Variants in EIPR1 observed in about 807,000 individuals in gnomAD.
EIPR1 encodes the protein EARP complex and GARP complex interacting protein 1.
Under a neutral mutation model 48.1 loss-of-function variants are expected in EIPR1, and 25 were observed. The ratio of observed to expected loss-of-function variants is 0.52; its 90% CI spans 0.38 to 0.73. The LOEUF (loss-of-function observed/expected upper bound fraction) is 0.73, where lower values mean the gene tolerates loss of function less well. Ranked by LOEUF, EIPR1 falls within the 30% of genes least tolerant of loss-of-function variation. The pLI is 0.00. For synonymous variants in EIPR1, 204 were observed against 201.9 expected, an observed-to-expected ratio of 1.01 and a Z score of -0.09; for missense variants, 415 against 506.2, an observed-to-expected ratio of 0.82 and a Z score of 1.73.
intron 4 of EIPR1, among the ~76,000 whole-genome samples, chr2:3,241,184 C>G (rs1666613547): frequency 6.6e-6 from 1 of 152,224 alleles, no homozygotes. Flanking sequence ...GCGAGCAGGT[C>G]CCTCCTAAAG....
At chr2:3,256,323 C>A (rs1045431548) in intron 4 of EIPR1, among the ~76,000 whole-genome samples, 1 of 152,120 alleles carries the variant, frequency 6.6e-6, no homozygotes, top group Non-Finnish European at 1.5e-5. Context: ...CCTTCCGGGG[C>A]CACAGCGTAC....
intron 1 of EIPR1, among the ~76,000 whole-genome samples, chr2:3,375,404 A>G (rs1206533075): frequency 6.6e-6 from 1 of 151,878 alleles, no homozygotes; most frequent in African/African-American, 2.4e-5. Context: ...AAAAAGAGAG[A>G]AAAAAAAGAA....
intron 2 of EIPR1, among the ~76,000 whole-genome samples, chr2:3,340,257 G>A (rs1670194642): frequency 6.6e-6 from 1 of 152,244 alleles, no homozygotes; most frequent in African/African-American, 2.4e-5. Flanking sequence ...AGTGCCCAGA[G>A]CCATGTGAGC....
intron 3 of EIPR1, among the ~76,000 whole-genome samples, chr2:3,326,724 C>A (rs1030781880): frequency 3.9e-5 from 6 of 152,212 alleles, no homozygotes; most frequent in African/African-American, 1.4e-4. Context: ...AATTTAGCTG[C>A]TCAGTTGTCA....
intron 4 of EIPR1, among the ~76,000 whole-genome samples, chr2:3,218,250 T>C (rs1454731050): frequency 6.7e-6 from 1 of 148,954 alleles, no homozygotes; most frequent in East Asian, 2.0e-4. Flanking sequence ...TGATATGCTC[T>C]AGAGCGTTCA....
In EIPR1 at chr2:3,198,345, A is replaced by G. The variant is rs143500242; in HGVS notation, c.517-1328T>C. Reference sequence around the variant, plus strand: ...GGCTGTGCGAGAGACTGAGAACTCAAAACAGTCCTGGTCAGAAGCCGAGAA... The same window carrying G: ...GGCTGTGCGAGAGACTGAGAACTCAGAACAGTCCTGGTCAGAAGCCGAGAA... On this transcript the variant is annotated intron_variant, in intron 5 of 8. Coordinates refer to ENST00000382125, the MANE Select transcript of EIPR1 (RefSeq NM_003310.5). Among the ~76,000 whole-genome samples the G allele has an allele frequency of 2.4e-3, 362 of 152,330 alleles. 1 individual carries two copies. Among genetic ancestry groups the G allele is most frequent in the African/African-American group, 8.3e-3 (347 of 41,580 alleles).
chr2:3,240,108 C>T (rs1378220502), intron 4 of EIPR1, among the ~76,000 whole-genome samples: 3 of 147,666 alleles, frequency 2.0e-5, no homozygotes, highest in East Asian at 2.0e-4. Context: ...GCCAGCAGAC[C>T]CTTCCTAAAG....
At chr2:3,294,815 C>CACACA (rs1668490011) in intron 3 of EIPR1, among the ~76,000 whole-genome samples, 1 of 115,270 alleles carries the variant, frequency 8.7e-6, no homozygotes, top group Non-Finnish European at 1.8e-5. Flanking sequence ...CATCCTCTCT[C>CACACA]CACACACCCT....
intron 4 of EIPR1, among the ~76,000 whole-genome samples, chr2:3,219,079 C>CGT (rs1665763298): frequency 7.0e-6 from 1 of 143,480 alleles, no homozygotes; most frequent in African/African-American, 2.6e-5. Context: ...CCCTGGTATA[C>CGT]TCTAGAGCAT....
chr2:3,369,804 G>A (rs1044136179), intron 1 of EIPR1, among the ~76,000 whole-genome samples: 2 of 152,220 alleles, frequency 1.3e-5, no homozygotes, highest in African/African-American at 2.4e-5. Flanking sequence ...ACCTCTGGGG[G>A]CAGGGCACAG....
rs180716936 is a variant in EIPR1 at position 3,361,860 on chromosome 2, C to T, written c.43-7227G>A. Among the ~76,000 whole-genome samples, 66 of 152,108 alleles carry T rather than the reference C, an allele frequency of 4.3e-4. No individual in the cohort carries two copies. In the East Asian group the frequency reaches 0.01, roughly 24 times the overall value. On this transcript the variant is annotated intron_variant, in intron 1 of 8. Transcript: ENST00000382125. ...GACCCTGCCCAAGCCCTTGGACTCC[C>T]TCACACGGGCACCTCCACCATCTGC...
rs142629960 is a variant in EIPR1, at chr2:3,280,938, C to T, written c.260-23483G>A. Among the ~76,000 whole-genome samples the T allele has an allele frequency of 2.6e-3, 394 of 152,288 alleles. 2 individuals are homozygous for T. Among genetic ancestry groups the T allele is most frequent in the African/African-American group, 9.0e-3 (374 of 41,562 alleles). On this transcript the variant is annotated intron_variant, in intron 3 of 8. Coordinates refer to ENST00000382125, the MANE Select transcript of EIPR1 (RefSeq NM_003310.5). ...CGCCTGTGCAGCTGCTGCTGCTGGA[C>T]GCTCTTCCTCCCCTTGATCTCCCTC... is the stretch of plus-strand genomic sequence containing the variant.
At chr2:3,289,973 C>T (rs112026051) in intron 3 of EIPR1, among the ~76,000 whole-genome samples, 136 of 152,378 alleles carry the variant, frequency 8.9e-4, no homozygotes, top group African/African-American at 2.9e-3. Context: ...CAGAACCACA[C>T]AATGCCCTCT....
intron 3 of EIPR1, among the ~76,000 whole-genome samples, chr2:3,304,160 A>G (rs991510179): frequency 5.3e-5 from 8 of 152,158 alleles, no homozygotes; most frequent in Admixed American, 5.2e-4. Context: ...CACAGAGATG[A>G]TCTTCCCAAG....
rs188862512 is a variant in EIPR1, at chr2:3,227,049, G to A, written c.417-12801C>T. The stretch of plus-strand genomic sequence containing the variant: ...TAGCAGCATGAAAACAGACAAATAC[G>A]GTAAATTGGTACTGCAGAGAGTGAG... On this transcript the variant is annotated intron_variant, in intron 4 of 8. Transcript: ENST00000382125. Among the ~76,000 whole-genome samples the A allele has an allele frequency of 2.7e-3, 414 of 152,206 alleles. 4 individuals are homozygous for A. Among genetic ancestry groups the A allele is most frequent in the African/African-American group, 9.5e-3 (394 of 41,518 alleles).
chr2:3,267,478 C>T (rs141681590), intron 3 of EIPR1, among the ~76,000 whole-genome samples: 1 of 152,364 alleles, frequency 6.6e-6, no homozygotes, highest in East Asian at 1.9e-4. Context: ...TGATCATAAA[C>T]TTAATCAGGC....
intron 4 of EIPR1, among the ~76,000 whole-genome samples, chr2:3,216,206 C>T (rs536788760): frequency 4.6e-5 from 7 of 152,172 alleles, no homozygotes; most frequent in Non-Finnish European, 8.8e-5. Context: ...CCACAGATCT[C>T]GTGCTGGTGG....
At chr2:3,301,605 C>A (rs1668764271) in intron 3 of EIPR1, 1 of 152,206 alleles carries the variant, frequency 6.6e-6, no homozygotes, top group Non-Finnish European at 1.5e-5. Flanking sequence ...GCCAAACATA[C>A]CTGAACTGTG....
intron 3 of EIPR1, among the ~76,000 whole-genome samples, chr2:3,297,816 GCTT>G (rs1668647890): frequency 6.6e-6 from 1 of 152,328 alleles, no homozygotes; most frequent in African/African-American, 2.4e-5. Context: ...GCTTTGTCTT[GCTT>G]CTTTTTTTGT....
Sources: gnomAD v4.1 joint callset for allele counts (sites outside exome capture counted in the v4.1 genomes callset) on GRCh38, gnomAD v4.1.1 for gene constraint, MANE v1.5 for transcripts, NCBI Gene and HGNC (gene_info 2026-07-23, HGNC 2026-07-21) for gene names.